OR5K1: variants seen among roughly 807,000 people sequenced by gnomAD.
OR5K1 encodes the protein olfactory receptor 5K1.
A neutral mutation model predicts 10.4 loss-of-function variants in OR5K1; 7 were observed. That is an observed-to-expected ratio of 0.67 (90% confidence interval 0.38 to 1.26). The LOEUF is 1.26. Among genes scored for constraint, OR5K1 ranks in the 50% most tolerant of loss-of-function variants. OR5K1 has a pLI of 0.02. For synonymous variants in OR5K1, 135 were observed against 128.5 expected (o/e 1.05, Z -0.34); for missense variants, 435 against 366.2 (o/e 1.19, Z -1.53).
At position 98,470,063 on chromosome 3, in the gene OR5K1, G is replaced by A. The variant is rs1705426328; in HGVS notation, c.487G>A (p.Val163Ile). 7.4e-6 allele frequency: 12 copies of A among 1,613,618 alleles called. No homozygotes were observed. The highest frequency in any genetic ancestry group is 1.0e-5 in the Non-Finnish European group (12 of 1,179,688). ...GCATTCCATGATTCATGTAGGGCTT[G>A]TATTTAGGTTAGTTTTCTGTGGATC... ...NLHSMIHVGL[V>I]FRLVFCGSNH... The change falls in exon 2 of 2, where the codon GTA (valine) becomes ATA (isoleucine). Residue 163 changes from valine to isoleucine, a missense_variant. Val to Ile is a conservative substitution (Grantham distance 29). Transcript: ENST00000642057.
At chr3:98,464,797 T>G (rs529550252) in intron 1 of OR5K1, among the ~76,000 whole-genome samples, 1 of 152,194 alleles carries the variant, frequency 6.6e-6, no homozygotes, top group African/African-American at 2.4e-5. Flanking sequence ...TGTGGACATA[T>G]GCCTGAATAG....
At chr3:98,468,016 T>C (rs949607170) in intron 1 of OR5K1, among the ~76,000 whole-genome samples, 1 of 152,156 alleles carries the variant, frequency 6.6e-6, no homozygotes, top group Non-Finnish European at 1.5e-5. Context: ...TTAACCTTTT[T>C]CTTGAATTTT....
At chr3:98,467,699 T>C in intron 1 of OR5K1, among the ~76,000 whole-genome samples, 1 of 117,846 alleles carries the variant, frequency 8.5e-6, no homozygotes, top group African/African-American at 3.6e-5. Flanking sequence ...TGGCTCTCTG[T>C]TTGTCTGTTG....
rs549408578 is a variant in OR5K1, at chr3:98,464,460, T to C, written c.-12+1153T>C. ...GTCTATCTAGAAATATCTAGGAGGG[T>C]CAGTCAACCTTTCAAAGCAAGTAGG... On this transcript the variant is annotated intron_variant, in intron 1 of 1. Transcript: ENST00000642057. Among the ~76,000 whole-genome samples the C allele has an allele frequency of 2.0e-5, 3 of 152,094 alleles. 1 individual carries two copies. Among genetic ancestry groups the C allele is most frequent in the African/African-American group, 7.2e-5 (3 of 41,496 alleles).
rs1234932864 is a variant in OR5K1 at position 98,472,475 on chromosome 3, G to A, written c.*1972G>A. 6.6e-6 allele frequency: 1 copy of A among 151,870 alleles called. No individual in the cohort carries two copies. The highest frequency in any genetic ancestry group is 6.6e-5 in the Admixed American group (1 of 15,196). 9.4% of individuals were successfully genotyped at this position (151,870 alleles called of 1,614,324 possible). On this transcript the variant is annotated 3_prime_UTR_variant, in exon 2 of 2. Coordinates refer to ENST00000642057, the MANE Select transcript of OR5K1 (RefSeq NM_001004736.4). ...ACTCCCATGCCAGGACACCCCCTGG[G>A]AATTGAAACCACAGAACCTTTTCCA...
At position 98,470,547 on chromosome 3, in the gene OR5K1, G is replaced by A; in HGVS notation, c.*44G>A. 8.4e-7 allele frequency: 1 copy of A among 1,189,630 alleles called. No individual in the cohort carries two copies. Among genetic ancestry groups the A allele is most frequent in the Non-Finnish European group, 1.2e-6 (1 of 840,194 alleles). The allele number at this position is 1,189,630 out of a possible 1,614,324, so 73.7% of individuals were successfully genotyped here. On this transcript the variant is annotated 3_prime_UTR_variant, in exon 2 of 2. Transcript: ENST00000642057. ...CAAGTGACATCTACTATAGCTTAAT[G>A]ATTTAAATGCAGCAAAAACTTCCAT...
At position 98,469,684 on chromosome 3, in the gene OR5K1, G is replaced by T. The variant is rs939458714; in HGVS notation, c.108G>T (p.Leu36=). Residue 36 remains leucine, a synonymous_variant, in exon 2 of 2, where the codon CTG becomes CTT. Transcript: ENST00000642057. ...TTGTGGTGTTCTTTGCCATCTATCT[G>T]ATCACCGTGGTGGGGAATATTAGTT... ...LLFVVFFAIY[L]ITVVGNISLV... 69 of 1,613,686 alleles carry T rather than the reference G, an allele frequency of 4.3e-5. No homozygotes were observed. Among genetic ancestry groups the T allele is most frequent in the Non-Finnish European group, 5.6e-5 (66 of 1,179,768 alleles).
chr3:98,469,458 C>G lies in OR5K1; in HGVS notation c.-11-108C>G, dbSNP rs1217366774. On this transcript the variant is annotated intron_variant, in intron 1 of 1. Transcript: ENST00000642057. Reference sequence around the variant, plus strand: ...GGGGCATGCACCAAAGTCCAGGCAACATGAGGAAACATTGTGGAAGATGCT... The same window carrying G: ...GGGGCATGCACCAAAGTCCAGGCAAGATGAGGAAACATTGTGGAAGATGCT... The G allele has an allele frequency of 7.5e-6, 8 of 1,060,072 alleles. No homozygotes were observed. In the East Asian group the frequency reaches 1.0e-4, roughly 13 times the overall value. The allele number at this position is 1,060,072 out of a possible 1,614,324, so 65.7% of individuals were successfully genotyped here. A position where few individuals can be genotyped will look rare whatever the true frequency, so the allele number is the denominator to read the frequency against.
rs1705431541 is a variant in OR5K1 at position 98,470,315 on chromosome 3, T to C, written c.739T>C (p.Ser247Pro). The C allele has an allele frequency of 1.2e-6, 2 of 1,613,374 alleles. No individual in the cohort carries two copies. Among genetic ancestry groups the C allele is most frequent in the Admixed American group, 1.7e-5 (1 of 59,826 alleles). The change falls in exon 2 of 2, where the codon TCA becomes CCA. Residue 247 changes from serine (S) to proline (P), a missense_variant. Physicochemically the swap from Ser to Pro is moderately conservative, Grantham distance 74. Transcript: ENST00000642057. ...AFSTCASHFL[S>P]VSLFYGSLFF... Reference sequence around the variant, plus strand: ...TTCTACCTGTGCATCCCACTTTTTGTCAGTTTCATTATTCTATGGATCTCT... The same window carrying C: ...TTCTACCTGTGCATCCCACTTTTTGCCAGTTTCATTATTCTATGGATCTCT...
rs1705459727 is a variant in OR5K1, at chr3:98,472,384, A to G, written c.*1881A>G. The G allele has an allele frequency of 6.6e-6, 1 of 151,908 alleles. No individual in the cohort carries two copies. The highest frequency in any genetic ancestry group is 6.6e-5 in the Admixed American group (1 of 15,192). 9.4% of individuals were successfully genotyped at this position (151,908 alleles called of 1,614,324 possible). A position where few individuals can be genotyped will look rare whatever the true frequency, so the allele number is the denominator to read the frequency against. On this transcript the variant is annotated 3_prime_UTR_variant, in exon 2 of 2. Coordinates refer to ENST00000642057, the MANE Select transcript of OR5K1 (RefSeq NM_001004736.4). ...ACAATGTAGGATTTTGAAAGCTTAC[A>G]TGGGTCCCTTTTGAAGGTCCCTTTT...
In OR5K1 at chr3:98,470,687, G is replaced by A; in HGVS notation, c.*184G>A. The A allele has an allele frequency of 2.6e-6, 1 of 388,220 alleles. No homozygotes were observed. Among genetic ancestry groups the A allele is most frequent in the Non-Finnish European group, 4.6e-6 (1 of 216,998 alleles). The allele number at this position is 388,220 out of a possible 1,614,324, so 24.0% of individuals were successfully genotyped here. A position where few individuals can be genotyped will look rare whatever the true frequency, so the allele number is the denominator to read the frequency against. On this transcript the variant is annotated 3_prime_UTR_variant, in exon 2 of 2. Transcript: ENST00000642057. ...GAATATACAAAAAAGAGTAAACTGT[G>A]GTAAATCTTAATTCAAAATAACAAA...
intron 1 of OR5K1, among the ~76,000 whole-genome samples, chr3:98,466,290 G>A (rs1474664323): frequency 8.4e-6 from 1 of 118,804 alleles, no homozygotes; most frequent in African/African-American, 3.7e-5. Context: ...TCTTAATCCA[G>A]TCTATCATTG....
intron 1 of OR5K1, among the ~76,000 whole-genome samples, chr3:98,465,859 A>G (rs915838735): frequency 6.7e-6 from 1 of 150,014 alleles, no homozygotes; most frequent in Non-Finnish European, 1.5e-5. Context: ...ATTTTTATTC[A>G]TGATTTTTGA....
Position 98,469,733 on chromosome 3 carries a change from C to A in OR5K1, c.157C>A (p.Arg53Ser), listed in dbSNP as rs62619937. Residue 53 changes from arginine to serine, a missense_variant, in exon 2 of 2, where the codon CGT becomes AGT. Transcript: ENST00000642057. The part of the protein sequence containing the change: ...ISLVALIFTH[R>S]RLHTPMYIFL... ...TTTGGTGGCACTGATATTTACACAC[C>A]GTCGGCTTCACACACCAATGTACAT... 4 of 1,613,760 alleles carry A rather than the reference C, an allele frequency of 2.5e-6. No individual in the cohort carries two copies. The highest frequency in any genetic ancestry group is 3.3e-4 in the Middle Eastern group (2 of 6,060).
In OR5K1 at chr3:98,470,670, A is replaced by C; in HGVS notation, c.*167A>C. 2.3e-6 allele frequency: 1 copy of C among 438,668 alleles called. No individual in the cohort carries two copies. 27.2% of individuals were successfully genotyped at this position (438,668 alleles called of 1,614,324 possible). A position where few individuals can be genotyped will look rare whatever the true frequency, so the allele number is the denominator to read the frequency against. ...GGCAAGAGGTAAGGGTAGAATATAC[A>C]AAAAAGAGTAAACTGTGGTAAATCT... On this transcript the variant is annotated 3_prime_UTR_variant, in exon 2 of 2. Coordinates refer to ENST00000642057, the MANE Select transcript of OR5K1 (RefSeq NM_001004736.4).
At chr3:98,465,766 A>AT (rs1705365449) in intron 1 of OR5K1, among the ~76,000 whole-genome samples, 1 of 151,962 alleles carries the variant, frequency 6.6e-6, no homozygotes, top group African/African-American at 2.4e-5. Context: ...TCTAGTGATT[A>AT]TTTGTACTGC....
chr3:98,468,088 A>T (rs904416666), intron 1 of OR5K1, among the ~76,000 whole-genome samples: 2 of 152,108 alleles, frequency 1.3e-5, no homozygotes, highest in Non-Finnish European at 2.9e-5. Context: ...AAATTGTATT[A>T]TAAATAACCT....
At chr3:98,466,039 C>A (rs1436303247) in intron 1 of OR5K1, among the ~76,000 whole-genome samples, 1 of 151,946 alleles carries the variant, frequency 6.6e-6, no homozygotes, top group Admixed American at 6.6e-5. Context: ...CCAATGCTAT[C>A]CCTCCCCGGT....
In OR5K1 at chr3:98,471,576, A is replaced by G. The variant is rs1705448388; in HGVS notation, c.*1073A>G. ...TGGGTGTTGGGCCATATCAGTTACA[A>G]AAAATGCCAGTTTTTCCATCTTCTC... is the stretch of plus-strand genomic sequence containing the variant. On this transcript the variant is annotated 3_prime_UTR_variant, in exon 2 of 2. Transcript: ENST00000642057. 1 of 152,004 alleles carries G rather than the reference A, an allele frequency of 6.6e-6. No homozygotes were observed. Among genetic ancestry groups the G allele is most frequent in the South Asian group, 2.1e-4 (1 of 4,832 alleles). The allele number at this position is 152,004 out of a possible 1,614,324, so 9.4% of individuals were successfully genotyped here.
Sources: gnomAD v4.1 joint callset for allele counts (sites outside exome capture counted in the v4.1 genomes callset) on GRCh38, gnomAD v4.1.1 for gene constraint, MANE v1.5 for transcripts, NCBI Gene and HGNC (gene_info 2026-07-23, HGNC 2026-07-21) for gene names.